SPIRE1: variants seen among roughly 807,000 people sequenced by gnomAD.
SPIRE1 encodes protein spire homolog 1.
In SPIRE1, 40 loss-of-function variants were observed where a neutral mutation model predicts 94.1. The ratio of observed to expected loss-of-function variants is 0.43; its 90% CI spans 0.33 to 0.55. The LOEUF is 0.55. SPIRE1 is among the 20% of genes least tolerant of loss of function. SPIRE1 has a pLI of 0.06. For synonymous variants in SPIRE1, 376 were observed against 371.7 expected (o/e 1.01, Z -0.13); for missense variants, 838 against 975.2 (o/e 0.86, Z 1.87).
intron 1 of SPIRE1, among the ~76,000 whole-genome samples, chr18:12,649,651 G>C (rs1049418912): frequency 2.0e-5 from 3 of 152,174 alleles, no homozygotes; most frequent in African/African-American, 7.2e-5. Context: ...ATAACAAGCA[G>C]AGTGCAACTC....
At chr18:12,660,607 C>T (rs1476937455), upstream of SPIRE1, among the ~76,000 whole-genome samples, 1 of 152,118 alleles carries the variant, frequency 6.6e-6, no homozygotes, top group African/African-American at 2.4e-5. Context: ...AGGTGTGAGC[C>T]ACTGTGCCCG....
intron 1 of SPIRE1, 35 bp downstream of exon 1, chr18:12,657,495 A>G (rs2038583292): frequency 1.6e-6 from 2 of 1,224,898 alleles, no homozygotes; most frequent in Non-Finnish European, 2.0e-6. Flanking sequence ...CGGGTGTTCC[A>G]AGAACTACGA....
At chr18:12,614,664 G>A (rs1478959928) in intron 2 of SPIRE1, among the ~76,000 whole-genome samples, 1 of 150,680 alleles carries the variant, frequency 6.6e-6, no homozygotes, top group Admixed American at 6.6e-5. Context: ...AAAAATACAA[G>A]AAAAGTAGCC....
intron 12 of SPIRE1, among the ~76,000 whole-genome samples, chr18:12,458,471 G>A (rs1183570638): frequency 7.2e-5 from 11 of 151,832 alleles, no homozygotes; most frequent in African/African-American, 2.4e-4. Context: ...AAAATTAGCC[G>A]GGCGTGGTGG....
At chr18:12,645,656 G>A (rs2038203822) in intron 1 of SPIRE1, among the ~76,000 whole-genome samples, 1 of 152,114 alleles carries the variant, frequency 6.6e-6, no homozygotes, top group Non-Finnish European at 1.5e-5. Flanking sequence ...TATATAAAAT[G>A]CCTACTGGTG....
At chr18:12,610,329 C>T (rs1462725341) in intron 2 of SPIRE1, among the ~76,000 whole-genome samples, 1 of 152,092 alleles carries the variant, frequency 6.6e-6, no homozygotes, top group African/African-American at 2.4e-5. Flanking sequence ...TAACAGCCTC[C>T]ACCTATCTTT....
Position 12,449,461 on chromosome 18 carries a change from C to T in SPIRE1, c.*177G>A, listed in dbSNP as rs1405955423. On this transcript the variant is annotated 3_prime_UTR_variant, in exon 17 of 17. Coordinates refer to ENST00000409402, the MANE Select transcript of SPIRE1 (RefSeq NM_001128626.2). ...AGCAATTGGCGGACCTGTCACGTTT[C>T]ATCAATCGATACGAACACAGCATTC... is the stretch of plus-strand genomic sequence containing the variant. 1.5e-6 allele frequency: 1 copy of T among 671,016 alleles called. No homozygotes were observed. The highest frequency in any genetic ancestry group is 1.8e-5 in the African/African-American group (1 of 55,170). 41.6% of individuals were successfully genotyped at this position (671,016 alleles called of 1,614,324 possible).
At chr18:12,596,847 A>G (rs970067640) in intron 2 of SPIRE1, among the ~76,000 whole-genome samples, 1 of 147,284 alleles carries the variant, frequency 6.8e-6, no homozygotes, top group African/African-American at 2.5e-5. Context: ...GTCACTGTAG[A>G]TAGGAGAACT....
At chr18:12,494,277 A>C (rs2033353056) in intron 7 of SPIRE1, among the ~76,000 whole-genome samples, 1 of 152,062 alleles carries the variant, frequency 6.6e-6, no homozygotes, top group Admixed American at 6.6e-5. Context: ...TAACCTTCTT[A>C]GATTGTTATT....
chr18:12,635,873 T>C (rs2037909208), intron 1 of SPIRE1, among the ~76,000 whole-genome samples: 4 of 151,786 alleles, frequency 2.6e-5, no homozygotes, highest in African/African-American at 9.7e-5. Context: ...TACTAGAAAA[T>C]TGGGTTTTTT....
intron 10 of SPIRE1, among the ~76,000 whole-genome samples, chr18:12,478,523 ATG>A (rs1401793833): frequency 2.4e-5 from 3 of 124,964 alleles, no homozygotes; most frequent in Non-Finnish European, 5.0e-5. Flanking sequence ...GTGTGTGTGC[ATG>A]TGTGTGTGTA....
intron 2 of SPIRE1, among the ~76,000 whole-genome samples, chr18:12,611,605 C>T (rs1179945120): frequency 9.9e-5 from 15 of 152,202 alleles, no homozygotes. Context: ...TTCCTGAATT[C>T]CTGACACACA....
intron 4 of SPIRE1, among the ~76,000 whole-genome samples, chr18:12,521,024 A>G (rs1193869641): frequency 6.6e-6 from 1 of 152,130 alleles, no homozygotes; most frequent in Non-Finnish European, 1.5e-5. Context: ...GGGGTGGAAA[A>G]TACTTACATT....
Position 12,572,236 on chromosome 18 carries a change from A to G in SPIRE1, c.373-25332T>C, listed in dbSNP as rs2144476159. 1.3e-5 allele frequency among the ~76,000 whole-genome samples: 2 copies of G among 152,308 alleles called. 1 individual carries two copies. The highest frequency in any genetic ancestry group is 4.1e-4 in the South Asian group (2 of 4,826). Reference sequence around the variant, plus strand: ...ACACAGGGTCTCATACAGGCTATCTAAAGGATATGGGTCTTTATCAAATAA... The same window carrying G: ...ACACAGGGTCTCATACAGGCTATCTGAAGGATATGGGTCTTTATCAAATAA... On this transcript the variant is annotated intron_variant, in intron 2 of 16. Transcript: ENST00000409402.
intron 12 of SPIRE1, among the ~76,000 whole-genome samples, chr18:12,457,303 AT>A (rs1251331295): frequency 1.3e-5 from 2 of 152,240 alleles, no homozygotes; most frequent in Non-Finnish European, 2.9e-5. Flanking sequence ...ATAAAAGAAA[AT>A]GATAAATAGT....
chr18:12,545,247 ATATG>A (rs1446353644), intron 3 of SPIRE1, among the ~76,000 whole-genome samples: 1 of 152,238 alleles, frequency 6.6e-6, no homozygotes, highest in African/African-American at 2.4e-5. Flanking sequence ...GTATTTATAT[ATATG>A]TATTTTATGT....
At chr18:12,531,847 T>A (rs996499289) in intron 4 of SPIRE1, among the ~76,000 whole-genome samples, 1 of 152,146 alleles carries the variant, frequency 6.6e-6, no homozygotes, top group Non-Finnish European at 1.5e-5. Flanking sequence ...CAATAAAAAA[T>A]TTTACAATTG....
In SPIRE1 at chr18:12,454,345, C is replaced by A; in HGVS notation, c.1776+1G>T. 6.2e-7 allele frequency: 1 copy of A among 1,614,106 alleles called. No individual in the cohort carries two copies. On this transcript the variant is annotated splice_donor_variant, in intron 13 of 16. Transcript: ENST00000409402. LOFTEE classifies it high-confidence loss of function. The stretch of plus-strand genomic sequence containing the variant: ...GATCAATCAACTTTAAACAGCACTA[C>A]CTTTCCTTTTTTCAAGGCGGTGTAG...
At chr18:12,450,973 G>T in intron 16 of SPIRE1, 2 of 565,026 alleles carry the variant, frequency 3.5e-6, no homozygotes, top group East Asian at 3.8e-5. Flanking sequence ...AAGTTGCCCA[G>T]AAAAAGGTGG....
Sources: gnomAD v4.1 joint callset for allele counts (sites outside exome capture counted in the v4.1 genomes callset) on GRCh38, gnomAD v4.1.1 for gene constraint, MANE v1.5 for transcripts, NCBI Gene and HGNC (gene_info 2026-07-23, HGNC 2026-07-21) for gene names.